Variants in CLPB observed in about 807,000 individuals in gnomAD.
CLPB encodes mitochondrial disaggregase.
Under a neutral mutation model 78.4 loss-of-function variants are expected in CLPB, and 40 were observed. That is an observed-to-expected ratio of 0.51 (90% CI 0.40 to 0.66). CLPB has a LOEUF of 0.66. Among genes scored for constraint, CLPB ranks in the 30% least tolerant of loss-of-function variants. CLPB has a pLI of 0.00. For synonymous variants in CLPB, 333 were observed against 348.0 expected (o/e 0.96, Z 0.48); for missense variants, 780 against 886.9 (o/e 0.88, Z 1.53).
At chr11:72,297,543 T>C (rs77689035) in intron 11 of CLPB, among the ~76,000 whole-genome samples, 7 of 152,274 alleles carry the variant, frequency 4.6e-5, no homozygotes, top group Non-Finnish European at 1.0e-4. Context: ...CAGATGTCCT[T>C]GAGCTTTTAC....
chr11:72,342,909 G>T (rs1950446729), intron 5 of CLPB, among the ~76,000 whole-genome samples: 1 of 152,184 alleles, frequency 6.6e-6, no homozygotes, highest in Admixed American at 6.5e-5. Flanking sequence ...GGAGGCTGAG[G>T]AAAGGGCACA....
In CLPB at chr11:72,351,290, C is replaced by G. The variant is rs17162127; in HGVS notation, c.775+7590G>C. 2.5e-3 allele frequency: 387 copies of G among 152,264 alleles called. 4 individuals are homozygous for G. The highest frequency in any genetic ancestry group is 7.7e-3 in the African/African-American group (321 of 41,538). 9.4% of individuals were successfully genotyped at this position (152,264 alleles called of 1,614,324 possible). ...GCCACACAGTGTGACTATATTTGTC[C>G]CAGAATGTCTATACCACTGGACTTT... On this transcript the variant is annotated intron_variant, in intron 5 of 15. Transcript: ENST00000538039.
chr11:72,364,036 G>T (rs1392811533), intron 4 of CLPB, among the ~76,000 whole-genome samples: 2 of 152,178 alleles, frequency 1.3e-5, no homozygotes, highest in African/African-American at 4.8e-5. Flanking sequence ...TCTACAATGT[G>T]TGTGTATGTG....
At chr11:72,409,437 A>G (rs2135105671) in intron 2 of CLPB, among the ~76,000 whole-genome samples, 1 of 152,180 alleles carries the variant, frequency 6.6e-6, no homozygotes, top group Non-Finnish European at 1.5e-5. Flanking sequence ...TACAAAAATT[A>G]GCCGGGCGTG....
chr11:72,427,528 T>C (rs935525914), intron 2 of CLPB, among the ~76,000 whole-genome samples: 2 of 152,228 alleles, frequency 1.3e-5, no homozygotes, highest in African/African-American at 4.8e-5. Flanking sequence ...CCTATCCTCT[T>C]GTGACGTTGT....
rs1323209943 is a variant in CLPB, at chr11:72,434,272, GC to G, written c.202del (p.Ala68GlnfsTer150). On this transcript the variant is annotated frameshift_variant, in exon 1 of 16. Transcript: ENST00000538039. LOFTEE classifies it high-confidence loss of function. ...TCCTCCCTGGCGCCCCCCGGTGGCT[GC>G]CCCACGTCCGGAGAACAAGGCCGGC... Reference protein sequence around the residue: ...TSPALFSGRGAATGGRQGGRF... With the variant: ...TSPALFSGRGXATGGRQGGRF... The G allele has an allele frequency of 1.2e-6, 2 of 1,612,894 alleles. No individual in the cohort carries two copies. The highest frequency in any genetic ancestry group is 1.7e-6 in the Non-Finnish European group (2 of 1,179,812).
chr11:72,328,437 TTAGTA>T (rs1950166826), intron 6 of CLPB, among the ~76,000 whole-genome samples: 1 of 152,184 alleles, frequency 6.6e-6, no homozygotes, highest in Non-Finnish European at 1.5e-5. Flanking sequence ...TAGAAACCAT[TTAGTA>T]CAATGTTTTC....
chr11:72,408,778 C>T (rs574679964), intron 2 of CLPB, among the ~76,000 whole-genome samples: 1 of 152,066 alleles, frequency 6.6e-6, no homozygotes, highest in East Asian at 1.9e-4. Flanking sequence ...TGCAGAGCAG[C>T]CCAGAAAGTT....
chr11:72,357,574 T>C (rs1950742221), intron 5 of CLPB, among the ~76,000 whole-genome samples: 1 of 151,680 alleles, frequency 6.6e-6, no homozygotes, highest in South Asian at 2.1e-4. Context: ...AACATGCCTG[T>C]AATCCCAGCT....
intron 6 of CLPB, among the ~76,000 whole-genome samples, chr11:72,319,980 T>G (rs1475367298): frequency 6.6e-6 from 1 of 152,194 alleles, no homozygotes; most frequent in African/African-American, 2.4e-5. Context: ...ATGAGCCGAG[T>G]CCACTTGGTT....
chr11:72,302,041 T>A, intron 10 of CLPB, 77 bp from the exon 11 acceptor site: 1 of 1,520,460 alleles, frequency 6.6e-7, no homozygotes, highest in African/African-American at 1.4e-5. Context: ...CATGGGAAGA[T>A]GACTTTATAC....
At position 72,358,889 on chromosome 11, in the gene CLPB, G is replaced by A. The variant is rs774718370; in HGVS notation, c.766C>T (p.Leu256Phe). 5 of 1,415,768 alleles carry A rather than the reference G, an allele frequency of 3.5e-6. No individual in the cohort carries two copies. In the East Asian group the frequency reaches 1.4e-4, roughly 40 times the overall value. 87.7% of individuals were successfully genotyped at this position (1,415,768 alleles called of 1,614,324 possible). The change falls in exon 5 of 16, where the codon CTT (leucine) becomes TTT (phenylalanine). Residue 256 changes from leucine to phenylalanine, a missense_variant. Around this residue, in one of 3 missense-constraint regions of CLPB, gnomAD observed 417 missense variants for 414.7 expected, o/e 1.01. Transcript: ENST00000538039. ...ADDYRTVKEL[L>F]DGGANPLQRN... ...CCACCTCTGCTCTCACCTCCATCAA[G>A]CAGCTCCTTGACAGTGCGGTAGTCA...
chr11:72,349,621 CTGACTTTCAGAT>C (rs1465105736), intron 5 of CLPB, among the ~76,000 whole-genome samples: 3 of 152,240 alleles, frequency 2.0e-5, no homozygotes, highest in African/African-American at 7.2e-5. Flanking sequence ...TTTACAGGCC[CTGACTTTCAGAT>C]TGACATTCTC....
At chr11:72,370,222 C>G (rs1951018608) in intron 4 of CLPB, among the ~76,000 whole-genome samples, 2 of 152,104 alleles carry the variant, frequency 1.3e-5, no homozygotes, top group South Asian at 4.1e-4. Flanking sequence ...AGTTCTTTGC[C>G]ACCCAATCCT....
intron 2 of CLPB, among the ~76,000 whole-genome samples, chr11:72,410,377 TA>T (rs1278915604): frequency 3.3e-5 from 5 of 151,046 alleles, no homozygotes; most frequent in East Asian, 3.9e-4. Flanking sequence ...CTGCATCTGT[TA>T]AAAAAAAATG....
At chr11:72,373,764 G>A (rs1951086924) in intron 4 of CLPB, among the ~76,000 whole-genome samples, 1 of 151,748 alleles carries the variant, frequency 6.6e-6, no homozygotes, top group Non-Finnish European at 1.5e-5. Flanking sequence ...TGGCCAACAT[G>A]GTGAAACTCC....
chr11:72,402,883 G>A, intron 3 of CLPB, 83 bp downstream of exon 3: 2 of 1,108,030 alleles, frequency 1.8e-6, no homozygotes, highest in Middle Eastern at 2.0e-4. Flanking sequence ...ACAGCAGGGA[G>A]GCACACCAGG....
intron 6 of CLPB, among the ~76,000 whole-genome samples, chr11:72,326,756 AC>A (rs1486104617): frequency 6.6e-6 from 1 of 151,992 alleles, no homozygotes; most frequent in East Asian, 1.9e-4. Context: ...GCTGCTTCTT[AC>A]TTACTGGCAG....
intron 7 of CLPB, among the ~76,000 whole-genome samples, chr11:72,310,607 C>A (rs561702453): frequency 3.9e-5 from 6 of 152,240 alleles, no homozygotes; most frequent in South Asian, 4.1e-4. Flanking sequence ...CATGTGTGTA[C>A]GTGTTAGGGC....
Sources: allele counts gnomAD v4.1 joint callset (sites outside exome capture counted in the v4.1 genomes callset), GRCh38; gene constraint gnomAD v4.1.1; regional missense constraint gnomAD v4.1.1; transcripts MANE v1.5; gene names NCBI Gene and HGNC (gene_info 2026-07-23, HGNC 2026-07-21).